TKTL1: variants seen among roughly 807,000 people sequenced by gnomAD.
TKTL1 encodes the protein transketolase-like protein 1.
TKTL1 carries 1 observed loss-of-function variant against 39.3 expected under a neutral mutation model. The ratio of observed to expected loss-of-function variants is 0.03; its 90% CI spans 0.01 to 0.12. The LOEUF is 0.12. Ranked by LOEUF, TKTL1 falls within the 10% of genes least tolerant of loss-of-function variation. The pLI is 1.00. For missense variants in TKTL1, 575 were observed against 509.6 expected (o/e 1.13, Z -1.24); for synonymous variants, 262 against 193.8 (o/e 1.35, Z -2.92).
chrX:154,308,442 C>G (rs1281260875), intron 2 of TKTL1, among the ~76,000 whole-genome samples: 1 of 111,776 alleles, frequency 8.9e-6, no homozygotes, highest in Admixed American at 9.5e-5. Flanking sequence ...CAGTTGAGCT[C>G]TACTTGGTGG....
At chrX:154,323,583 G>C (rs782077731) in intron 9 of TKTL1, among the ~76,000 whole-genome samples, 1 of 112,408 alleles carries the variant, frequency 8.9e-6, no homozygotes, top group East Asian at 2.8e-4. Flanking sequence ...TTTAGCAGAA[G>C]AAACAGGGAC....
In TKTL1 at chrX:154,295,898, G is replaced by A. The variant is rs1557164222; in HGVS notation, c.39G>A (p.Glu13=). 8.2e-7 allele frequency: 1 copy of A among 1,212,158 alleles called. No homozygotes were observed. Among genetic ancestry groups the A allele is most frequent in the Non-Finnish European group, 1.1e-6 (1 of 895,532 alleles). ...DAEARAEFPE[E]ARPDRGTLQV... ...AGGCGAGGGCTGAGTTCCCGGAGGA[G>A]GCCAGACCTGACAGGGGCACCTTGC... The change falls in exon 1 of 13, where the codon GAG becomes GAA. Residue 13 remains glutamate (E), a synonymous_variant. Coordinates refer to ENST00000369915, the MANE Select transcript of TKTL1 (RefSeq NM_012253.4).
At chrX:154,302,476 A>T (rs782280005) in intron 1 of TKTL1, among the ~76,000 whole-genome samples, 1 of 111,070 alleles carries the variant, frequency 9.0e-6, no homozygotes, top group South Asian at 3.8e-4. Context: ...GCTCAAGAGC[A>T]CTACCTTCCC....
In TKTL1 at chrX:154,310,802, C is replaced by G. The variant is rs112218819; in HGVS notation, c.351-34C>G. The G allele has an allele frequency of 6.7e-3, 7,842 of 1,167,065 alleles. 73 individuals are homozygous for G. The highest frequency in any genetic ancestry group is 0.055 in the African/African-American group (3,068 of 56,021). On this transcript the variant is annotated intron_variant, in intron 3 of 12. Transcript: ENST00000369915. ...TGTTTGGTTGGCCCAGATGATCCCC[C>G]ACAGGGTCCTAAACCTCTCTTGTCT...
At chrX:154,324,692 A>G (rs111589628) in intron 9 of TKTL1, among the ~76,000 whole-genome samples, 123 of 111,559 alleles carry the variant, frequency 1.1e-3, no homozygotes, top group Non-Finnish European at 1.9e-3. Flanking sequence ...TGAACTTAGG[A>G]TGTATGCATT....
At position 154,318,363 on chromosome X, in the gene TKTL1, G is replaced by A. The variant is rs782676196; in HGVS notation, c.1030-2394G>A. ...CATAGTGGCTCACACCTGTAATCCC[G>A]GCACTTTGGGAGGCTGAAGCTGGAG... On this transcript the variant is annotated intron_variant, in intron 7 of 12. Transcript: ENST00000369915. Among the ~76,000 whole-genome samples, 15 of 110,372 alleles carry A rather than the reference G, an allele frequency of 1.4e-4. No homozygotes were observed. The East Asian group carries it at 3.4e-3, about 25-fold the overall frequency.
At chrX:154,305,023 A>G in intron 1 of TKTL1, 1 of 1,075,582 alleles carries the variant, frequency 9.3e-7, no homozygotes, top group Non-Finnish European at 1.2e-6. Flanking sequence ...GAATTTAAGC[A>G]TGTGAAAGAA....
At chrX:154,325,269 C>T in intron 9 of TKTL1, 70 bp from the exon 10 acceptor site, 1 of 1,042,673 alleles carries the variant, frequency 9.6e-7, no homozygotes. Flanking sequence ...CCCTCCTTCA[C>T]TTCTTTCAAC....
rs2067444344 is a variant in TKTL1, at chrX:154,320,870, G to A, written c.1143G>A (p.Glu381=). 2 of 1,209,809 alleles carry A rather than the reference G, an allele frequency of 1.7e-6. No individual in the cohort carries two copies. The highest frequency in any genetic ancestry group is 3.5e-5 in the African/African-American group (2 of 57,079). The change falls in exon 8 of 13, where the codon GAG becomes GAA. Residue 381 remains glutamate (E), a synonymous_variant. Coordinates refer to ENST00000369915, the MANE Select transcript of TKTL1 (RefSeq NM_012253.4). ...FDHIRIGGLA[E]SNINIIGSHC... Reference sequence around the variant, plus strand: ...ACATCCGGATAGGAGGCCTCGCTGAGAGCAACATCAACATTATTGGTTCCC... The same window carrying A: ...ACATCCGGATAGGAGGCCTCGCTGAAAGCAACATCAACATTATTGGTTCCC...
intron 1 of TKTL1, among the ~76,000 whole-genome samples, chrX:154,304,213 G>T (rs1377264902): frequency 9.0e-6 from 1 of 111,180 alleles, no homozygotes; most frequent in Non-Finnish European, 1.9e-5. Flanking sequence ...AGCCAGGAAA[G>T]AGCTTAGTGA....
chrX:154,315,555 A>T (rs782734543), intron 7 of TKTL1, among the ~76,000 whole-genome samples: 2 of 111,462 alleles, frequency 1.8e-5, no homozygotes, highest in Non-Finnish European at 3.8e-5. Context: ...GGAGTCTCCA[A>T]GTTGGCTGAG....
chrX:154,306,490 A>T (rs2067315782), intron 2 of TKTL1, among the ~76,000 whole-genome samples: 1 of 112,241 alleles, frequency 8.9e-6, no homozygotes. Context: ...AATAGAATTT[A>T]CATGTGTACG....
chrX:154,314,842 T>C (rs1234560413), intron 6 of TKTL1, among the ~76,000 whole-genome samples: 1 of 110,699 alleles, frequency 9.0e-6, no homozygotes, highest in Non-Finnish European at 1.9e-5. Context: ...TTGAAAAATA[T>C]AATGAGAACC....
At chrX:154,301,073 CTTTA>C (rs782290117) in intron 1 of TKTL1, among the ~76,000 whole-genome samples, 71 of 111,186 alleles carry the variant, frequency 6.4e-4, no homozygotes, top group Non-Finnish European at 8.7e-4. Context: ...TTTGGATGCC[CTTTA>C]TTTATTTCGC....
chrX:154,320,225 T>C (rs900195832), intron 7 of TKTL1: 1 of 114,135 alleles, frequency 8.8e-6, no homozygotes. Flanking sequence ...TGAAGTAGGC[T>C]GGGAAGAGCG....
Position 154,312,663 on chromosome X carries a change from A to T in TKTL1, c.754A>T (p.Ile252Leu). 8.3e-7 allele frequency: 1 copy of T among 1,211,953 alleles called. No homozygotes were observed. The highest frequency in any genetic ancestry group is 1.1e-6 in the Non-Finnish European group (1 of 895,529). ...CATTATCAAATTAATTGAGAGCCAG[A>T]TACAGACCAGCAGGAATCTTGACCC... ...DAIIKLIESQ[I>L]QTSRNLDPQP... Residue 252 changes from isoleucine to leucine, a missense_variant, in exon 6 of 13, where the codon ATA becomes TTA. Coordinates refer to ENST00000369915, the MANE Select transcript of TKTL1 (RefSeq NM_012253.4).
At chrX:154,328,377 C>A (rs2067509566) in intron 12 of TKTL1, among the ~76,000 whole-genome samples, 2 of 106,597 alleles carry the variant, frequency 1.9e-5, no homozygotes, top group Non-Finnish European at 3.9e-5. Context: ...GAAACCCCAT[C>A]TCTACTAAAA....
intron 2 of TKTL1, among the ~76,000 whole-genome samples, chrX:154,308,580 AG>A (rs1285801906): frequency 8.9e-6 from 1 of 112,005 alleles, no homozygotes; most frequent in Non-Finnish European, 1.9e-5. Context: ...GACAGAGGCA[AG>A]GGATGTTTAA....
In TKTL1 at chrX:154,305,530, GTTC is replaced by G. The variant is rs2067308575; in HGVS notation, c.252+115_252+117del. The stretch of plus-strand genomic sequence containing the variant: ...GAAATGGGCCTCGTTTATTATTTTG[GTTC>G]TTCTTTCTTTGCATCTTAAAGCTCG... On this transcript the variant is annotated intron_variant, in intron 2 of 12. Transcript: ENST00000369915. 9 of 979,455 alleles carry G rather than the reference GTTC, an allele frequency of 9.2e-6. No individual in the cohort carries two copies. The Admixed American group carries it at 1.7e-4, about 18-fold the overall frequency. The allele number at this position is 979,455 out of a possible 1,213,427, so 80.7% of individuals were successfully genotyped here.
Sources: gnomAD v4.1 joint callset for allele counts (sites outside exome capture counted in the v4.1 genomes callset) on GRCh38, gnomAD v4.1.1 for gene constraint, MANE v1.5 for transcripts, NCBI Gene and HGNC (gene_info 2026-07-23, HGNC 2026-07-21) for gene names.